Variants in SHTN1 observed in about 807,000 individuals in gnomAD.
The protein encoded by SHTN1 is shootin-1.
A neutral mutation model predicts 83.1 loss-of-function variants in SHTN1; 42 were observed. That is an observed-to-expected ratio of 0.51 (90% confidence interval 0.39 to 0.65). The LOEUF (loss-of-function observed/expected upper bound fraction) is 0.65, where lower values mean the gene tolerates loss of function less well. Ranked by LOEUF, SHTN1 falls within the 30% of genes least tolerant of loss-of-function variation. SHTN1 has a pLI of 0.00. For synonymous variants in SHTN1, 224 were observed against 247.7 expected (o/e 0.90, Z 0.90); for missense variants, 622 against 737.8 (o/e 0.84, Z 1.82).
chr10:117,048,429 C>T (rs1038687784), intron 2 of SHTN1: 21 of 973,250 alleles, frequency 2.2e-5, no homozygotes, highest in Admixed American at 6.2e-5. Context: ...CACATCGGCA[C>T]GGTCTTGTTA....
intron 1 of SHTN1, among the ~76,000 whole-genome samples, chr10:116,996,164 G>A (rs946070240): frequency 2.0e-5 from 3 of 152,100 alleles, no homozygotes; most frequent in Non-Finnish European, 2.9e-5. Context: ...TGTGAGAGAG[G>A]AAAAATATTT....
At chr10:117,026,984 A>AC (rs1400292742) in intron 2 of SHTN1, among the ~76,000 whole-genome samples, 1 of 152,232 alleles carries the variant, frequency 6.6e-6, no homozygotes, top group African/African-American at 2.4e-5. Flanking sequence ...GATGTTGGCT[A>AC]CAAGGGTGCT....
chr10:116,989,328 C>G (rs1408013565), intron 1 of SHTN1, among the ~76,000 whole-genome samples: 3 of 152,074 alleles, frequency 2.0e-5, no homozygotes, highest in Admixed American at 6.6e-5. Flanking sequence ...ATGACCTTTT[C>G]TAGGATCCCA....
intron 16 of SHTN1, among the ~76,000 whole-genome samples, chr10:116,893,299 T>C (rs1009735329): frequency 3.3e-5 from 5 of 152,180 alleles, no homozygotes; most frequent in African/African-American, 1.2e-4. Context: ...CTAATTTTGT[T>C]GTTAAAACTT....
exon 1 of SHTN1, chr10:117,126,367 G>A: frequency 5.9e-6 from 1 of 169,138 alleles, no homozygotes; most frequent in Admixed American, 5.9e-5. Flanking sequence ...GGCTGCGTGA[G>A]GTGCCGGGTC....
At chr10:116,904,783 AT>A (rs1847894190) in intron 15 of SHTN1, among the ~76,000 whole-genome samples, 1 of 152,224 alleles carries the variant, frequency 6.6e-6, no homozygotes. Context: ...AAATGTGAGT[AT>A]TGCACATTTT....
chr10:117,035,782 C>T (rs1466876797), intron 2 of SHTN1, among the ~76,000 whole-genome samples: 4 of 148,286 alleles, frequency 2.7e-5, no homozygotes, highest in African/African-American at 9.9e-5. Flanking sequence ...CCCGTCTCTA[C>T]TAAAAATATA....
intron 16 of SHTN1, among the ~76,000 whole-genome samples, chr10:116,897,126 T>C (rs1230858295): frequency 6.6e-6 from 1 of 152,162 alleles, no homozygotes; most frequent in African/African-American, 2.4e-5. Context: ...TGTGATCAGG[T>C]ACTTCTAATG....
rs1851959005 is a variant in SHTN1, at chr10:117,004,942, C to G, written c.58+80G>C. 24 of 1,332,612 alleles carry G rather than the reference C, an allele frequency of 1.8e-5. No homozygotes were observed. In the South Asian group the frequency reaches 3.1e-4, roughly 17 times the overall value. 82.5% of individuals were successfully genotyped at this position (1,332,612 alleles called of 1,614,324 possible). A position where few individuals can be genotyped will look rare whatever the true frequency, so the allele number is the denominator to read the frequency against. ...GCCACGTCTCCCGCCCGGCTTCCAA[C>G]TGCCCTGGCCCCAGCGCCCTGGGGC... On this transcript the variant is annotated intron_variant, in intron 1 of 16. Transcript: ENST00000355371.
chr10:117,011,824 G>T (rs1006506703), intron 2 of SHTN1, among the ~76,000 whole-genome samples: 6 of 152,086 alleles, frequency 3.9e-5, no homozygotes, highest in African/African-American at 1.4e-4. Context: ...TAAATAAATG[G>T]AGAGATATAT....
chr10:116,975,460 A>G (rs891391172), intron 2 of SHTN1, among the ~76,000 whole-genome samples: 2 of 152,176 alleles, frequency 1.3e-5, no homozygotes, highest in Non-Finnish European at 2.9e-5. Context: ...ACAGAGCAGC[A>G]TAATTGATCG....
At position 116,886,478 on chromosome 10, in the gene SHTN1, G is replaced by A. The variant is rs1847167745; in HGVS notation, c.1762C>T (p.His588Tyr). Residue 588 changes from histidine to tyrosine, a missense_variant, in exon 17 of 17, where the codon CAT becomes TAT. By Grantham distance (83) the His-to-Tyr change is moderately conservative. Transcript: ENST00000355371. Reference sequence around the variant, plus strand: ...ACCTGGTCTTTGGTTTGGGGTTCATGTGTAGAAACAGGATCTAAAACTACA... The same window carrying A: ...ACCTGGTCTTTGGTTTGGGGTTCATATGTAGAAACAGGATCTAAAACTACA... ...PVVVLDPVST[H>Y]EPQTKDQVAE... 6.2e-7 allele frequency: 1 copy of A among 1,614,108 alleles called. No individual in the cohort carries two copies. The highest frequency in any genetic ancestry group is 8.5e-7 in the Non-Finnish European group (1 of 1,180,014).
chr10:116,965,071 G>T (rs1410441819), intron 3 of SHTN1, among the ~76,000 whole-genome samples: 5 of 152,236 alleles, frequency 3.3e-5, no homozygotes, highest in African/African-American at 4.8e-5. Flanking sequence ...GGTGTTCTTT[G>T]TGTGTAGGAG....
intron 10 of SHTN1, among the ~76,000 whole-genome samples, chr10:116,928,492 T>C (rs536028624): frequency 3.9e-5 from 6 of 152,332 alleles, no homozygotes; most frequent in East Asian, 1.9e-4. Flanking sequence ...GCACCAATGA[T>C]GTGAAAGTGC....
chr10:117,092,601 A>T (rs1195868691), intron 1 of SHTN1, among the ~76,000 whole-genome samples: 1 of 152,210 alleles, frequency 6.6e-6, no homozygotes, highest in East Asian at 1.9e-4. Flanking sequence ...CCCAGTGCAT[A>T]AGGATCTGCC....
intron 1 of SHTN1, among the ~76,000 whole-genome samples, chr10:117,093,715 T>A (rs1027525983): frequency 1.3e-5 from 2 of 152,158 alleles, no homozygotes; most frequent in Non-Finnish European, 2.9e-5. Flanking sequence ...AGGAAACAAT[T>A]GTGGACAATG....
At chr10:117,009,329 T>G (rs997561923), upstream of SHTN1, among the ~76,000 whole-genome samples, 3 of 152,044 alleles carry the variant, frequency 2.0e-5, no homozygotes, top group Non-Finnish European at 2.9e-5. Flanking sequence ...AACTGTAACT[T>G]TAAATGAAGA....
At chr10:117,079,181 C>T in intron 1 of SHTN1, among the ~76,000 whole-genome samples, 1 of 87,594 alleles carries the variant, frequency 1.1e-5, no homozygotes, top group African/African-American at 4.3e-5. Flanking sequence ...GCTATCCCTC[C>T]CCCCCTCCCC....
At chr10:116,897,096 G>A (rs113656265) in intron 16 of SHTN1, among the ~76,000 whole-genome samples, 7 of 152,074 alleles carry the variant, frequency 4.6e-5, no homozygotes, top group African/African-American at 1.4e-4. Flanking sequence ...GATTATAGGC[G>A]TAAGCCACCA....
Sources: gnomAD v4.1 joint callset for allele counts (sites outside exome capture counted in the v4.1 genomes callset) on GRCh38, gnomAD v4.1.1 for gene constraint, MANE v1.5 for transcripts, NCBI Gene and HGNC (gene_info 2026-07-23, HGNC 2026-07-21) for gene names.